MTFR1: variants seen among roughly 807,000 people sequenced by gnomAD.
The protein encoded by MTFR1 is mitochondrial fission regulator 1.
A neutral mutation model predicts 38.8 loss-of-function variants in MTFR1; 28 were observed. The ratio of observed to expected loss-of-function variants is 0.72; its 90% confidence interval spans 0.53 to 0.99. The LOEUF (loss-of-function observed/expected upper bound fraction) is 0.99, where lower values mean the gene tolerates loss of function less well. MTFR1 is among the 50% of genes least tolerant of loss of function. The probability of loss-of-function intolerance (pLI) is 0.00; values close to 1 mark genes in which losing one functional copy is unlikely to be tolerated. For synonymous variants in MTFR1, 145 were observed against 137.0 expected, an observed-to-expected ratio of 1.06 and a Z score of -0.41; for missense variants, 358 against 395.5, an observed-to-expected ratio of 0.91 and a Z score of 0.81.
At chr8:65,688,593 C>T (rs1321478667) in intron 3 of MTFR1, among the ~76,000 whole-genome samples, 5 of 150,330 alleles carry the variant, frequency 3.3e-5, no homozygotes, top group African/African-American at 7.3e-5. Context: ...GGACTACAGG[C>T]GCCCGCCACC....
intron 3 of MTFR1, among the ~76,000 whole-genome samples, chr8:65,762,628 T>C (rs1243574314): frequency 6.6e-6 from 1 of 152,248 alleles, no homozygotes; most frequent in African/African-American, 2.4e-5. Flanking sequence ...AGTATGTCTT[T>C]GCACATTTTT....
intron 3 of MTFR1, among the ~76,000 whole-genome samples, chr8:65,768,841 A>G (rs1472170222): frequency 2.0e-5 from 3 of 152,292 alleles, no homozygotes; most frequent in African/African-American, 2.4e-5. Flanking sequence ...AATAGATAAT[A>G]AAAGATATAA....
intron 4 of MTFR1, among the ~76,000 whole-genome samples, chr8:65,698,060 G>A (rs747665204): frequency 5.3e-5 from 8 of 151,394 alleles, no homozygotes; most frequent in Non-Finnish European, 1.2e-4. Context: ...TCAAATCTAA[G>A]AGCTCTTTGC....
intron 3 of MTFR1, chr8:65,739,432 G>T (rs1427814442): frequency 1.4e-6 from 2 of 1,453,006 alleles, no homozygotes; most frequent in Admixed American, 5.9e-5. Context: ...CGATATAACT[G>T]AGATAAAACT....
chr8:65,695,988 C>T (rs563552015), intron 4 of MTFR1, among the ~76,000 whole-genome samples: 10 of 152,206 alleles, frequency 6.6e-5, no homozygotes, highest in African/African-American at 2.4e-4. Context: ...AGCTAAGCGG[C>T]AGGAGAAGAC....
At chr8:65,669,089 A>T (rs1804483472) in intron 1 of MTFR1, among the ~76,000 whole-genome samples, 2 of 152,114 alleles carry the variant, frequency 1.3e-5, no homozygotes, top group Non-Finnish European at 2.9e-5. Context: ...TCATTCCTTT[A>T]TGATTTTTGG....
intron 3 of MTFR1, among the ~76,000 whole-genome samples, chr8:65,685,194 G>A (rs775126274): frequency 2.0e-5 from 3 of 152,292 alleles, no homozygotes; most frequent in East Asian, 1.9e-4. Context: ...TCATTTAGGG[G>A]CTAACTGATG....
At chr8:65,731,983 ATTATTG>A (rs1193076147) in intron 3 of MTFR1, among the ~76,000 whole-genome samples, 3 of 143,132 alleles carry the variant, frequency 2.1e-5, no homozygotes, top group African/African-American at 7.4e-5. Context: ...TATTATTATT[ATTATTG>A]TTGTTGTTGT....
chr8:65,739,627 T>C (rs1245153730), intron 3 of MTFR1: 2 of 1,470,142 alleles, frequency 1.4e-6, no homozygotes, highest in South Asian at 1.5e-5. Context: ...ATTACATTAG[T>C]AGGAAATACA....
chr8:65,650,210 C>CTT (rs768949769), intron 1 of MTFR1, among the ~76,000 whole-genome samples: 101 of 114,586 alleles, frequency 8.8e-4, no homozygotes, highest in East Asian at 2.3e-3. Flanking sequence ...TCCTTATACT[C>CTT]TTTTTTTTTT....
intron 3 of MTFR1, among the ~76,000 whole-genome samples, chr8:65,762,887 AGCATTAT>A (rs1041786274): frequency 6.6e-5 from 10 of 152,200 alleles, no homozygotes; most frequent in Admixed American, 3.3e-4. Context: ...CTATAATCCC[AGCATTAT>A]GGGAAGCTGA....
intron 1 of MTFR1, among the ~76,000 whole-genome samples, chr8:65,654,712 G>A (rs1323639752): frequency 6.6e-6 from 1 of 152,092 alleles, no homozygotes; most frequent in Non-Finnish European, 1.5e-5. Context: ...TGAGTAGCTA[G>A]GACTACAGGT....
chr8:65,723,726 T>A, intron 3 of MTFR1: 3 of 771,598 alleles, frequency 3.9e-6, no homozygotes, highest in Non-Finnish European at 5.7e-6. Context: ...AAAACATACT[T>A]AATCCTCATG....
At chr8:65,666,172 C>T (rs1019622844) in intron 1 of MTFR1, among the ~76,000 whole-genome samples, 1 of 152,196 alleles carries the variant, frequency 6.6e-6, no homozygotes, top group Non-Finnish European at 1.5e-5. Flanking sequence ...TTTGGGAGGC[C>T]AAGGTGGGTG....
At chr8:65,704,978 G>A in intron 5 of MTFR1, 49 bp downstream of exon 5, 1 of 1,431,172 alleles carries the variant, frequency 7.0e-7, no homozygotes, top group Non-Finnish European at 9.6e-7. Context: ...CTAGAAGTTA[G>A]GAGAATGCTA....
At chr8:65,715,385 T>G (rs1268249980), downstream of MTFR1, among the ~76,000 whole-genome samples, 1 of 151,116 alleles carries the variant, frequency 6.6e-6, no homozygotes, top group Admixed American at 6.6e-5. Context: ...AAAAGTTTTT[T>G]TTTTTTTTTT....
At chr8:65,761,013 C>T (rs541484969) in intron 3 of MTFR1, among the ~76,000 whole-genome samples, 1 of 152,238 alleles carries the variant, frequency 6.6e-6, no homozygotes, top group East Asian at 1.9e-4. Flanking sequence ...AAAAAGCTCA[C>T]CCTCTGGCTG....
chr8:65,707,817 C>T (rs1805828596), intron 6 of MTFR1, 26 bp from the exon 7 acceptor site: 1 of 1,609,300 alleles, frequency 6.2e-7, no homozygotes, highest in Non-Finnish European at 8.5e-7. Context: ...TGATCTGTCC[C>T]CTTGGTTTGT....
At chr8:65,770,683 A>T (rs1453345223) in intron 3 of MTFR1, among the ~76,000 whole-genome samples, 1 of 152,250 alleles carries the variant, frequency 6.6e-6, no homozygotes, top group East Asian at 1.9e-4. Flanking sequence ...ATACATTAAC[A>T]TTTATATATG....
Sources: gnomAD v4.1 joint callset for allele counts (sites outside exome capture counted in the v4.1 genomes callset) on GRCh38, gnomAD v4.1.1 for gene constraint, MANE v1.5 for transcripts, NCBI Gene and HGNC (gene_info 2026-07-23, HGNC 2026-07-21) for gene names.